HHAT: variants seen among roughly 807,000 people sequenced by gnomAD.
HHAT encodes protein-cysteine N-palmitoyltransferase HHAT.
HHAT carries 47 observed loss-of-function variants against 70.8 expected under a neutral mutation model. The observed-to-expected ratio is 0.66, with a 90% confidence interval of 0.53 to 0.85. The LOEUF (loss-of-function observed/expected upper bound fraction) is 0.85. Ranked by LOEUF, HHAT falls within the 40% of genes least tolerant of loss-of-function variation. The probability of loss-of-function intolerance (pLI) is 0.00; values close to 1 mark genes in which losing one functional copy is unlikely to be tolerated. For missense variants in HHAT, 609 were observed against 604.8 expected (o/e 1.01, Z -0.07); for synonymous variants, 228 against 247.6 (o/e 0.92, Z 0.74).
chr1:210,485,082 G>T (rs964298525), intron 8 of HHAT, among the ~76,000 whole-genome samples: 5 of 152,112 alleles, frequency 3.3e-5, no homozygotes. Context: ...GTCTTGCCTC[G>T]TGTTGAGCGG....
chr1:210,375,620 T>C lies in HHAT; in HGVS notation c.160-11848T>C, dbSNP rs181669511. 2.1e-3 allele frequency among the ~76,000 whole-genome samples: 315 copies of C among 152,314 alleles called. 4 individuals are homozygous for C. The South Asian group carries it at 0.046, about 22-fold the overall frequency. ...TTAATTTGATTGGGGTTTATTCAGCTTCTTGAATTTGTAGGTTTATGCTTT... is the reference window on the plus strand; with the variant it reads ...TTAATTTGATTGGGGTTTATTCAGCCTCTTGAATTTGTAGGTTTATGCTTT... On this transcript the variant is annotated intron_variant, in intron 3 of 11. Transcript: ENST00000261458.
chr1:210,415,983 C>T (rs2092709020), intron 6 of HHAT, among the ~76,000 whole-genome samples: 1 of 152,002 alleles, frequency 6.6e-6, no homozygotes, highest in African/African-American at 2.4e-5. Flanking sequence ...AAAGTTAAAG[C>T]AACAAGCTTT....
intron 7 of HHAT, among the ~76,000 whole-genome samples, chr1:210,431,386 C>G (rs1015666717): frequency 6.6e-6 from 1 of 151,698 alleles, no homozygotes; most frequent in African/African-American, 2.4e-5. Context: ...CATGCACGAC[C>G]GCTCGCCCAT....
chr1:210,514,564 CTT>C (rs1278172803), intron 9 of HHAT, among the ~76,000 whole-genome samples: 3 of 152,084 alleles, frequency 2.0e-5, no homozygotes, highest in Admixed American at 6.5e-5. Context: ...AGTTTGTACT[CTT>C]CTTATTTTTT....
intron 9 of HHAT, among the ~76,000 whole-genome samples, chr1:210,541,055 G>A (rs1413628822): frequency 1.6e-4 from 25 of 152,114 alleles, no homozygotes; most frequent in Admixed American, 1.6e-3. Flanking sequence ...TGCCCAGTCT[G>A]GTCTTGAACT....
At position 210,374,096 on chromosome 1, in the gene HHAT, A is replaced by G. The variant is rs557115410; in HGVS notation, c.159+11177A>G. 3.3e-5 allele frequency: 5 copies of G among 151,954 alleles called. 1 individual carries two copies. The East Asian group carries it at 9.7e-4, about 29-fold the overall frequency. 9.4% of individuals were successfully genotyped at this position (151,954 alleles called of 1,614,324 possible). ...AACAAACAGTGACAATGAATCACTT[A>G]AGCCTAAAGTTGCACCATAATGTTT... is the stretch of plus-strand genomic sequence containing the variant. On this transcript the variant is annotated intron_variant, in intron 3 of 11. Transcript: ENST00000261458.
intron 8 of HHAT, among the ~76,000 whole-genome samples, chr1:210,467,986 T>TG (rs1335295061): frequency 6.6e-6 from 1 of 152,200 alleles, no homozygotes; most frequent in African/African-American, 2.4e-5. Context: ...AAATTGACTG[T>TG]GAAAAATTGC....
At chr1:210,588,224 CCAT>C in intron 10 of HHAT, 125 bp downstream of exon 10, 1 of 755,056 alleles carries the variant, frequency 1.3e-6, no homozygotes, top group East Asian at 2.7e-5. Flanking sequence ...GGTTCAAAGT[CCAT>C]ATGCCTAGAG....
At chr1:210,368,365 C>G (rs1452754271) in intron 3 of HHAT, among the ~76,000 whole-genome samples, 1 of 152,168 alleles carries the variant, frequency 6.6e-6, no homozygotes, top group Non-Finnish European at 1.5e-5. Flanking sequence ...GATCTTGGCT[C>G]ACCATAACCT....
intron 7 of HHAT, chr1:210,462,866 C>T (rs1231642438): frequency 6.6e-6 from 1 of 152,138 alleles, no homozygotes; most frequent in African/African-American, 2.4e-5. Context: ...TCAAGGAGGT[C>T]AGACAGTGGT....
intron 11 of HHAT, among the ~76,000 whole-genome samples, chr1:210,653,969 T>C (rs61827423): frequency 3.5e-3 from 3 of 864 alleles, no homozygotes; most frequent in Non-Finnish European, 7.5e-3. Flanking sequence ...GTGACGGGAA[T>C]AGTGTGATGG....
chr1:210,341,917 A>G (rs563278938), intron 1 of HHAT, among the ~76,000 whole-genome samples: 3 of 152,196 alleles, frequency 2.0e-5, no homozygotes, highest in Non-Finnish European at 2.9e-5. Context: ...AAACTTTGCT[A>G]TGATTTCCTT....
At chr1:210,342,578 G>A (rs993818657) in intron 1 of HHAT, among the ~76,000 whole-genome samples, 4 of 152,228 alleles carry the variant, frequency 2.6e-5, no homozygotes, top group Non-Finnish European at 4.4e-5. Flanking sequence ...GATGCTGTAA[G>A]TGGTGATGAC....
At chr1:210,483,384 C>T (rs1013068809) in intron 8 of HHAT, among the ~76,000 whole-genome samples, 5 of 152,170 alleles carry the variant, frequency 3.3e-5, no homozygotes, top group Non-Finnish European at 7.4e-5. Flanking sequence ...GCCCAGCAAG[C>T]GTCCTAACCT....
intron 8 of HHAT, among the ~76,000 whole-genome samples, chr1:210,503,666 G>A (rs1444352738): frequency 1.3e-5 from 2 of 152,074 alleles, no homozygotes; most frequent in Non-Finnish European, 2.9e-5. Context: ...CCTCATTAGA[G>A]TTATCCACAC....
intron 7 of HHAT, among the ~76,000 whole-genome samples, chr1:210,439,420 T>A (rs911903644): frequency 6.6e-6 from 1 of 151,786 alleles, no homozygotes; most frequent in Non-Finnish European, 1.5e-5. Context: ...GTTTCCAAAC[T>A]CATACAGTCA....
rs185612297 is a variant in HHAT, at chr1:210,424,209, C to T, written c.856+5884C>T. 6.2e-4 allele frequency among the ~76,000 whole-genome samples: 94 copies of T among 152,194 alleles called. 2 individuals carry two copies. Among genetic ancestry groups the T allele is most frequent in the African/African-American group, 1.6e-3 (67 of 41,536 alleles). On this transcript the variant is annotated intron_variant, in intron 7 of 11. Coordinates refer to ENST00000261458, the MANE Select transcript of HHAT (RefSeq NM_018194.6). ...ATTTCTTTGTATCCTCTTCAGTGTT[C>T]GTATTTCTTTCGTCAGCGTTTTGCA...
At chr1:210,552,164 C>T (rs964985902) in intron 9 of HHAT, among the ~76,000 whole-genome samples, 6 of 152,018 alleles carry the variant, frequency 3.9e-5, no homozygotes, top group South Asian at 4.1e-4. Flanking sequence ...TTGTGGAGAG[C>T]GAGGATTATA....
chr1:210,594,387 A>T (rs537471123), intron 10 of HHAT, among the ~76,000 whole-genome samples: 41 of 152,316 alleles, frequency 2.7e-4, no homozygotes, highest in African/African-American at 9.1e-4. Context: ...TTAAACTGAC[A>T]TCTTAACACT....
Sources: allele counts gnomAD v4.1 joint callset (sites outside exome capture counted in the v4.1 genomes callset), GRCh38; gene constraint gnomAD v4.1.1; transcripts MANE v1.5; gene names NCBI Gene and HGNC (gene_info 2026-07-23, HGNC 2026-07-21).